Variants in MAG observed in about 807,000 individuals in gnomAD.
MAG encodes the protein myelin associated glycoprotein.
In MAG, 30 loss-of-function variants were observed where a neutral mutation model predicts 60.7. The observed-to-expected ratio is 0.49, with a 90% CI of 0.37 to 0.67. The LOEUF is 0.67. Among genes scored for constraint, MAG ranks in the 30% least tolerant of loss-of-function variants. The pLI is 0.00. For synonymous variants in MAG, 384 were observed against 376.8 expected, an observed-to-expected ratio of 1.02 and a Z score of -0.22; for missense variants, 795 against 851.7, an observed-to-expected ratio of 0.93 and a Z score of 0.83.
intron 7 of MAG, among the ~76,000 whole-genome samples, chr19:35,308,890 G>A (rs1448660917): frequency 6.6e-6 from 1 of 152,178 alleles, no homozygotes; most frequent in Non-Finnish European, 1.5e-5. Context: ...TGAGGCGGGA[G>A]GATCACTAGA....
intron 7 of MAG, among the ~76,000 whole-genome samples, chr19:35,307,624 T>C (rs1334477633): frequency 6.6e-6 from 1 of 152,070 alleles, no homozygotes; most frequent in Non-Finnish European, 1.5e-5. Flanking sequence ...GAGGCAGAGG[T>C]TGCAGTGAGC....
chr19:35,309,818 G>C (rs1265538219), intron 7 of MAG, 56 bp from the exon 8 acceptor site: 2 of 1,571,416 alleles, frequency 1.3e-6, no homozygotes, highest in Admixed American at 1.7e-5. Flanking sequence ...GGAGTCTCCG[G>C]GGCCGGGCCT....
Position 35,313,376 on chromosome 19 carries a change from C to G in MAG, c.1803C>G (p.Asp601Glu). The G allele has an allele frequency of 1.9e-6, 3 of 1,614,096 alleles. No individual in the cohort carries two copies. The highest frequency in any genetic ancestry group is 2.5e-6 in the Non-Finnish European group (3 of 1,179,990). ...TGGACCTGAGCTATTCTCACTCGGA[C>G]CTGGGGAAACGGCCCACCAAGGACA... ...PELDLSYSHS[D>E]LGKRPTKDSY... The change falls in exon 11 of 11, where the codon GAC (aspartate) becomes GAG (glutamate). Residue 601 changes from aspartate (D) to glutamate (E), a missense_variant. Transcript: ENST00000392213.
At chr19:35,300,038 A>G in intron 5 of MAG, 109 bp from the exon 6 acceptor site, 1 of 933,156 alleles carries the variant, frequency 1.1e-6, no homozygotes, top group Non-Finnish European at 1.3e-6. Context: ...GGCGGGGCCA[A>G]GGCTGAGGGC....
At chr19:35,312,741 T>C in intron 10 of MAG, 1 of 223,172 alleles carries the variant, frequency 4.5e-6, no homozygotes, top group Admixed American at 5.1e-5. Flanking sequence ...AAAACTCCTA[T>C]GTTGAAAGCT....
intron 7 of MAG, among the ~76,000 whole-genome samples, chr19:35,307,451 G>A (rs1252794368): frequency 6.6e-6 from 1 of 152,212 alleles, no homozygotes; most frequent in Non-Finnish European, 1.5e-5. Context: ...GCCAAGGAGG[G>A]TGCTGGACTC....
At chr19:35,292,434 C>G (rs995941321) in intron 1 of MAG, among the ~76,000 whole-genome samples, 4 of 151,944 alleles carry the variant, frequency 2.6e-5, no homozygotes, top group African/African-American at 9.7e-5. Flanking sequence ...AACAAAGGGC[C>G]CCCCCTCAGC....
At chr19:35,307,852 A>T (rs1026332977) in intron 7 of MAG, among the ~76,000 whole-genome samples, 7 of 152,026 alleles carry the variant, frequency 4.6e-5, no homozygotes, top group South Asian at 4.1e-4. Flanking sequence ...AGGGAATCTC[A>T]TGGGTGAGGA....
At chr19:35,302,813 C>A (rs1267597991) in intron 7 of MAG, 105 bp downstream of exon 7, 11 of 1,398,878 alleles carry the variant, frequency 7.9e-6, no homozygotes, top group Non-Finnish European at 8.8e-6. Context: ...CTTTGCCTGT[C>A]CTCCGCAGAG....
At chr19:35,304,740 A>G (rs1309487285) in intron 7 of MAG, among the ~76,000 whole-genome samples, 3 of 151,892 alleles carry the variant, frequency 2.0e-5, no homozygotes, top group African/African-American at 4.8e-5. Context: ...GGGTTTCTCC[A>G]TGTTGCCCAG....
chr19:35,295,312 C>G lies in MAG; in HGVS notation c.-23-74C>G, dbSNP rs1038697689. The G allele has an allele frequency of 8.5e-7, 1 of 1,175,318 alleles. No individual in the cohort carries two copies. Among genetic ancestry groups the G allele is most frequent in the Admixed American group, 1.9e-5 (1 of 51,806 alleles). 72.8% of individuals were successfully genotyped at this position (1,175,318 alleles called of 1,614,324 possible). A position where few individuals can be genotyped will look rare whatever the true frequency, so the allele number is the denominator to read the frequency against. ...CAGCAGCAGCTAACATATGAATGGGCCCCTTCCTGAAGCCCAGATGGAACA... is the reference window on the plus strand; with the variant it reads ...CAGCAGCAGCTAACATATGAATGGGGCCCTTCCTGAAGCCCAGATGGAACA... On this transcript the variant is annotated intron_variant, in intron 2 of 10. Coordinates refer to ENST00000392213, the MANE Select transcript of MAG (RefSeq NM_002361.4). The surrounding 1 kb of genome is among the most constrained non-coding windows in gnomAD (Gnocchi z 5.8).
intron 7 of MAG, 115 bp downstream of exon 7, chr19:35,302,823 G>T (rs2066458704): frequency 1.6e-6 from 2 of 1,286,202 alleles, no homozygotes; most frequent in Non-Finnish European, 1.1e-6. Context: ...CCTCCGCAGA[G>T]ACAAGGAAGG....
At chr19:35,309,760 G>A in intron 7 of MAG, 114 bp from the exon 8 acceptor site, 2 of 1,166,626 alleles carry the variant, frequency 1.7e-6, no homozygotes, top group Non-Finnish European at 2.4e-6. Context: ...GGCCCTACAG[G>A]AAGCTACCGC....
Position 35,299,999 on chromosome 19 carries a change from G to A in MAG, c.713-148G>A. On this transcript the variant is annotated intron_variant, in intron 5 of 10. Coordinates refer to ENST00000392213, the MANE Select transcript of MAG (RefSeq NM_002361.4). The stretch of plus-strand genomic sequence containing the variant: ...CCAGGCAGGGATTGGGGGGTTGGGT[G>A]GGACGGGGGCGGAACCAGGCAGTCC... 1.6e-6 allele frequency: 2 copies of A among 1,226,580 alleles called. 1 individual carries two copies. Among genetic ancestry groups the A allele is most frequent in the African/African-American group, 3.2e-5 (2 of 61,986 alleles). 76.0% of individuals were successfully genotyped at this position (1,226,580 alleles called of 1,614,324 possible).
chr19:35,297,380 C>T (rs1203463900), intron 4 of MAG, among the ~76,000 whole-genome samples: 1 of 148,342 alleles, frequency 6.7e-6, no homozygotes, highest in African/African-American at 2.5e-5. Context: ...ATACGCTACA[C>T]ACACACTACA....
At chr19:35,313,265 G>A (rs2066541816) in intron 10 of MAG, 25 bp from the exon 11 acceptor site, 1 of 1,607,074 alleles carries the variant, frequency 6.2e-7, no homozygotes, top group Non-Finnish European at 8.5e-7. Context: ...GCAGGACCCT[G>A]CTAATGGGCG....
chr19:35,311,708 G>A (rs1365023590), intron 9 of MAG, among the ~76,000 whole-genome samples: 1 of 152,220 alleles, frequency 6.6e-6, no homozygotes, highest in African/African-American at 2.4e-5. Context: ...GAGCTCAGGG[G>A]CCAGGTGGCT....
chr19:35,309,578 C>T (rs748062190), intron 7 of MAG, among the ~76,000 whole-genome samples: 1 of 152,186 alleles, frequency 6.6e-6, no homozygotes, highest in Non-Finnish European at 1.5e-5. Flanking sequence ...CCATGCCCGG[C>T]CTCTTTCAGT....
At position 35,293,010 on chromosome 19, in the gene MAG, G is replaced by A. The variant is rs1044707162; in HGVS notation, c.-80+806G>A. 1.3e-5 allele frequency among the ~76,000 whole-genome samples: 2 copies of A among 152,090 alleles called. No homozygotes were observed. Among genetic ancestry groups the A allele is most frequent in the African/African-American group, 4.8e-5 (2 of 41,420 alleles). Reference sequence around the variant, plus strand: ...TTTATGGACTGTGGCCACACACACTGTAATAGCTGAGGTTGATTTGGCCCC... The same window carrying A: ...TTTATGGACTGTGGCCACACACACTATAATAGCTGAGGTTGATTTGGCCCC... On this transcript the variant is annotated intron_variant, in intron 1 of 10. Transcript: ENST00000392213. The surrounding 1 kb of genome is among the most constrained non-coding windows in gnomAD (Gnocchi z 4.0).
Sources: gnomAD v4.1 joint callset for allele counts (sites outside exome capture counted in the v4.1 genomes callset) on GRCh38, gnomAD v4.1.1 for gene constraint, Gnocchi (gnomAD v3.1) non-coding constraint, MANE v1.5 for transcripts, NCBI Gene and HGNC (gene_info 2026-07-23, HGNC 2026-07-21) for gene names.